SOX5: variants seen among roughly 807,000 people sequenced by gnomAD.
SOX5 encodes SRY-box transcription factor 5, also known as transcription factor SOX-5.
In SOX5, 9 loss-of-function variants were observed where a neutral mutation model predicts 92.0. The ratio of observed to expected loss-of-function variants is 0.10; its 90% CI spans 0.06 to 0.17. SOX5 has a LOEUF of 0.17. Among genes scored for constraint, SOX5 ranks in the 10% least tolerant of loss-of-function variants. The pLI is 1.00. For synonymous variants in SOX5, 344 were observed against 336.3 expected (o/e 1.02, Z -0.25); for missense variants, 642 against 944.5 (o/e 0.68, Z 4.20).
intron 6 of SOX5, among the ~76,000 whole-genome samples, chr12:23,711,373 T>C (rs892167531): frequency 2.6e-5 from 4 of 152,190 alleles, no homozygotes; most frequent in African/African-American, 9.6e-5. Flanking sequence ...TTTGGCATAA[T>C]TTTTGTCAAA....
intron 1 of SOX5, among the ~76,000 whole-genome samples, chr12:23,939,458 A>G (rs1943211554): frequency 6.6e-6 from 1 of 150,984 alleles, no homozygotes; most frequent in South Asian, 2.1e-4. Context: ...AGCGGCAGGA[A>G]TCAAATAAAA....
chr12:24,130,658 C>G (rs1949558948), intron 4 of SOX5, among the ~76,000 whole-genome samples: 1 of 152,156 alleles, frequency 6.6e-6, no homozygotes, highest in Non-Finnish European at 1.5e-5. Context: ...GGGTCCAGCA[C>G]CTTCAGGAGA....
chr12:24,199,381 C>T, intron 4 of SOX5, among the ~76,000 whole-genome samples: 1 of 152,178 alleles, frequency 6.6e-6, no homozygotes, highest in Middle Eastern at 3.2e-3. Context: ...TTAAAGCATG[C>T]TGCATTTTTC....
At chr12:23,821,788 T>C (rs1046635268) in intron 3 of SOX5, among the ~76,000 whole-genome samples, 4 of 152,040 alleles carry the variant, frequency 2.6e-5, no homozygotes, top group African/African-American at 7.2e-5. Flanking sequence ...TTTTCTTTTT[T>C]TGCTGTATGT....
At chr12:24,014,593 G>C (rs1015841319) in intron 4 of SOX5, among the ~76,000 whole-genome samples, 1 of 152,266 alleles carries the variant, frequency 6.6e-6, no homozygotes. Context: ...CCTTGATCTT[G>C]AGTGGATTCA....
Position 24,068,739 on chromosome 12 carries a change from TATATATATACAC to T in SOX5, c.-2+144592_-2+144603del, listed in dbSNP as rs1429255902. On this transcript the variant is annotated intron_variant, in intron 4 of 4. Transcript: ENST00000446891. ...ATATATATATATATATATATATATA[TATATATATACAC>T]ACACACACATTAGTTCCTAGTTTAT... Among the ~76,000 whole-genome samples, 231 of 79,506 alleles carry T rather than the reference TATATATATACAC, an allele frequency of 2.9e-3. 2 individuals carry two copies. The highest frequency in any genetic ancestry group is 8.9e-3 in the African/African-American group (191 of 21,524). The allele number at this position is 79,506 out of a possible 152,430, so 52.2% of individuals were successfully genotyped here.
chr12:23,766,387 T>C (rs964669422), intron 3 of SOX5, among the ~76,000 whole-genome samples: 1 of 152,154 alleles, frequency 6.6e-6, no homozygotes, highest in Admixed American at 6.6e-5. Context: ...CATAATAGAA[T>C]TGAACCCTAC....
Position 24,393,399 on chromosome 12 carries a change from A to G in SOX5, c.-250-24760T>C, listed in dbSNP as rs1046336491. 1.3e-5 allele frequency among the ~76,000 whole-genome samples: 2 copies of G among 152,202 alleles called. No homozygotes were observed. Among genetic ancestry groups the G allele is most frequent in the Non-Finnish European group, 2.9e-5 (2 of 68,036 alleles). On this transcript the variant is annotated intron_variant, in intron 1 of 4. Coordinates refer to the SOX5 transcript ENST00000446891. The surrounding 1 kb of genome is among the most constrained non-coding windows in gnomAD (Gnocchi z 5.0). ...AATTACAGGCCAATCAGGGTCGGAG[A>G]TAACAGAATGACAATCCAGTATGAC...
chr12:23,925,161 T>C (rs908498483), intron 1 of SOX5, among the ~76,000 whole-genome samples: 3 of 152,284 alleles, frequency 2.0e-5, no homozygotes, highest in African/African-American at 7.2e-5. Context: ...ATCACAATTA[T>C]GACCTCATAA....
chr12:24,480,211 G>T lies in SOX5; in HGVS notation c.-251+82118C>A, dbSNP rs180936796. ...TGTTGGGAAAACTGGATATCCCTGTGCAGAAGAATGAAACCTAGATCCCTC... is the reference window on the plus strand; with the variant it reads ...TGTTGGGAAAACTGGATATCCCTGTTCAGAAGAATGAAACCTAGATCCCTC... On this transcript the variant is annotated intron_variant, in intron 1 of 4. Transcript: ENST00000446891. Among the ~76,000 whole-genome samples the T allele has an allele frequency of 4.2e-3, 633 of 152,242 alleles. 2 individuals carry two copies. Among genetic ancestry groups the T allele is most frequent in the Middle Eastern group, 6.8e-3 (2 of 294 alleles).
At chr12:24,442,997 G>T (rs1475710037) in intron 1 of SOX5, among the ~76,000 whole-genome samples, 1 of 136,306 alleles carries the variant, frequency 7.3e-6, no homozygotes, top group African/African-American at 2.8e-5. Context: ...CTGTCACTAG[G>T]CTGGAGTGCA....
At chr12:24,485,671 A>G (rs1946445795) in intron 1 of SOX5, among the ~76,000 whole-genome samples, 1 of 152,214 alleles carries the variant, frequency 6.6e-6, no homozygotes, top group African/African-American at 2.4e-5. Context: ...ATAGTTATCA[A>G]TAATTGGTAA....
At chr12:23,836,910 C>T (rs1007607168) in intron 3 of SOX5, among the ~76,000 whole-genome samples, 2 of 151,740 alleles carry the variant, frequency 1.3e-5, no homozygotes, top group African/African-American at 2.4e-5. Flanking sequence ...ATGTTGTTCC[C>T]ATTACAGAGC....
intron 1 of SOX5, among the ~76,000 whole-genome samples, chr12:24,408,980 A>G (rs1422067337): frequency 2.0e-5 from 3 of 152,204 alleles, no homozygotes; most frequent in Admixed American, 6.5e-5. Context: ...TACTGGGTAT[A>G]TACCCCCAAA....
chr12:24,038,664 T>C (rs1475996977), intron 4 of SOX5, among the ~76,000 whole-genome samples: 1 of 152,194 alleles, frequency 6.6e-6, no homozygotes, highest in Non-Finnish European at 1.5e-5. Context: ...TTTTTATCCA[T>C]TTCTTATGGT....
At chr12:24,043,527 C>T (rs998000073) in intron 4 of SOX5, among the ~76,000 whole-genome samples, 6 of 152,116 alleles carry the variant, frequency 3.9e-5, no homozygotes, top group African/African-American at 1.2e-4. Flanking sequence ...CTGTTCTACC[C>T]GCATGTGTCC....
chr12:23,672,240 C>G (rs1388031595), intron 6 of SOX5, among the ~76,000 whole-genome samples: 1 of 152,114 alleles, frequency 6.6e-6, no homozygotes, highest in Non-Finnish European at 1.5e-5. Context: ...TATTCCTACC[C>G]CTCCTAAATG....
chr12:24,425,430 A>C (rs539294754), intron 1 of SOX5, among the ~76,000 whole-genome samples: 1 of 152,190 alleles, frequency 6.6e-6, no homozygotes, highest in Non-Finnish European at 1.5e-5. Context: ...ACCTGACTAC[A>C]AGCTCACCAC....
Position 24,274,013 on chromosome 12 carries a change from G to A in SOX5, c.-77+3203C>T, listed in dbSNP as rs533029376. 2.6e-5 allele frequency among the ~76,000 whole-genome samples: 4 copies of A among 152,148 alleles called. No homozygotes were observed. In the East Asian group the frequency reaches 7.7e-4, roughly 29 times the overall value. On this transcript the variant is annotated intron_variant, in intron 3 of 4. Transcript: ENST00000446891. ...ACTTTAATTCTTGGAAAATGGTTGA[G>A]GCTTAATTTAATAAGATATTCATTG... is the stretch of plus-strand genomic sequence containing the variant.
Sources: allele counts gnomAD v4.1 joint callset (sites outside exome capture counted in the v4.1 genomes callset), GRCh38; gene constraint gnomAD v4.1.1; non-coding constraint Gnocchi (gnomAD v3.1); transcripts MANE v1.5; gene names NCBI Gene and HGNC (gene_info 2026-07-23, HGNC 2026-07-21).